Variants in CDH8 observed in about 807,000 individuals in gnomAD.
CDH8 encodes the protein cadherin 8.
CDH8 carries 17 observed loss-of-function variants against 68.1 expected under a neutral mutation model. That is an observed-to-expected ratio of 0.25 (90% CI 0.17 to 0.37). CDH8 has a LOEUF of 0.37. Among genes scored for constraint, CDH8 ranks in the 10% least tolerant of loss-of-function variants. CDH8 has a pLI of 1.00. For synonymous variants in CDH8, 372 were observed against 365.1 expected (o/e 1.02, Z -0.21); for missense variants, 763 against 999.3 (o/e 0.76, Z 3.19).
intron 8 of CDH8, chr16:61,743,010 C>T (rs1407309637): frequency 6.6e-6 from 1 of 152,098 alleles, no homozygotes; most frequent in East Asian, 1.9e-4. Context: ...TTAAACTCGC[C>T]TCTATCACAA....
chr16:62,020,728 A>C (rs947546393), intron 2 of CDH8, among the ~76,000 whole-genome samples: 1 of 152,216 alleles, frequency 6.6e-6, no homozygotes. Flanking sequence ...AATTAGATAT[A>C]TCTGCATAGC....
rs1048800624 is a variant in CDH8 at position 61,855,653 on chromosome 16, A to G, written c.667+1466T>C. ...AATGGCCAAGAAGAGAACATTACTC[A>G]GGTCCATTTTGGCATCTAACACATT... is the stretch of plus-strand genomic sequence containing the variant. On this transcript the variant is annotated intron_variant, in intron 4 of 11. Coordinates refer to ENST00000577390, the MANE Select transcript of CDH8 (RefSeq NM_001796.5). 5.3e-5 allele frequency among the ~76,000 whole-genome samples: 8 copies of G among 152,192 alleles called. No individual in the cohort carries two copies. The East Asian group carries it at 1.5e-3, about 29-fold the overall frequency.
chr16:61,989,476 G>A (rs1230523687), intron 2 of CDH8, among the ~76,000 whole-genome samples: 2 of 152,122 alleles, frequency 1.3e-5, no homozygotes, highest in African/African-American at 4.8e-5. Flanking sequence ...CCTAGAAAAG[G>A]CAGAGCATCT....
chr16:62,019,771 C>T (rs2150611480), intron 2 of CDH8, among the ~76,000 whole-genome samples: 1 of 152,172 alleles, frequency 6.6e-6, no homozygotes, highest in Middle Eastern at 3.4e-3. Flanking sequence ...ATATTTGTAT[C>T]CATACATGCA....
chr16:61,957,671 G>C lies in CDH8; in HGVS notation c.253-56198C>G, dbSNP rs531273415. Among the ~76,000 whole-genome samples the C allele has an allele frequency of 4.1e-4, 62 of 152,252 alleles. 1 individual carries two copies. Among genetic ancestry groups the C allele is most frequent in the Admixed American group, 1.6e-3 (25 of 15,284 alleles). ...TCTGTTCCAGCCACACAGGTTTTCT[G>C]AGTATGCCAAATTTTCCCATAACAC... On this transcript the variant is annotated intron_variant, in intron 2 of 11. Transcript: ENST00000577390.
intron 2 of CDH8, among the ~76,000 whole-genome samples, chr16:61,983,501 T>C (rs1465913625): frequency 6.6e-6 from 1 of 152,212 alleles, no homozygotes; most frequent in Non-Finnish European, 1.5e-5. Context: ...TAAATTTTTC[T>C]GTCTTCCAAG....
chr16:61,835,421 T>C (rs2143005928), intron 4 of CDH8, among the ~76,000 whole-genome samples: 1 of 152,076 alleles, frequency 6.6e-6, no homozygotes, highest in South Asian at 2.1e-4. Context: ...TTAACTATTA[T>C]ATCACGTCTC....
At chr16:61,955,358 C>G (rs546318937) in intron 2 of CDH8, among the ~76,000 whole-genome samples, 26 of 152,290 alleles carry the variant, frequency 1.7e-4, no homozygotes, top group Non-Finnish European at 3.4e-4. Context: ...TCAAATAAAG[C>G]AAACATCAAG....
chr16:61,981,013 T>C (rs1251485174), intron 2 of CDH8, among the ~76,000 whole-genome samples: 1 of 152,134 alleles, frequency 6.6e-6, no homozygotes, highest in African/African-American at 2.4e-5. Context: ...AGGGATAAAA[T>C]GTTACCTATG....
rs1963244945 is a variant in CDH8, at chr16:61,648,161, C to T, written c.*5447G>A. Reference sequence around the variant, plus strand: ...ATACCAGCATGTAATTTCTGTTTCTCTCACATATTTGATGTGTAATTTAAC... The same window carrying T: ...ATACCAGCATGTAATTTCTGTTTCTTTCACATATTTGATGTGTAATTTAAC... On this transcript the variant is annotated 3_prime_UTR_variant, in exon 12 of 12. Transcript: ENST00000577390. The T allele has an allele frequency of 3.9e-6, 1 of 255,392 alleles. No homozygotes were observed. The highest frequency in any genetic ancestry group is 7.4e-6 in the Non-Finnish European group (1 of 135,060). 15.8% of individuals were successfully genotyped at this position (255,392 alleles called of 1,614,324 possible).
rs975743031 is a variant in CDH8 at position 61,653,814 on chromosome 16, C to A, written c.2194G>T (p.Ala732Ser). The A allele has an allele frequency of 1.1e-5, 17 of 1,614,040 alleles. No homozygotes were observed. The highest frequency in any genetic ancestry group is 1.4e-5 in the Non-Finnish European group (16 of 1,180,044). Residue 732 changes from alanine (A) to serine (S), a missense_variant, in exon 12 of 12, where the codon GCA becomes TCA. By Grantham distance (99) the Ala-to-Ser change is moderately conservative. Around this residue, in one of 2 missense-constraint regions of CDH8, gnomAD observed 397 missense variants for 436.2 expected, o/e 0.91. Transcript: ENST00000577390. ...DEFINVRLHE[A>S]DNDPTAPPYD... ...GGCGGGGCCGTGGGATCATTATCTG[C>A]CTCATGCAGCCTTACATTTATAAAT...
chr16:61,776,482 T>C (rs1266959783), intron 8 of CDH8, among the ~76,000 whole-genome samples: 1 of 152,132 alleles, frequency 6.6e-6, no homozygotes, highest in Non-Finnish European at 1.5e-5. Flanking sequence ...CTTTTAAAGT[T>C]GCCAACCTGG....
intron 2 of CDH8, among the ~76,000 whole-genome samples, chr16:61,991,367 A>C (rs1965718456): frequency 6.6e-6 from 1 of 152,154 alleles, no homozygotes; most frequent in African/African-American, 2.4e-5. Flanking sequence ...CATAGAAACC[A>C]AAGGCATCAG....
intron 8 of CDH8, among the ~76,000 whole-genome samples, chr16:61,773,539 GCAA>G (rs975093886): frequency 6.6e-6 from 1 of 151,918 alleles, no homozygotes; most frequent in Non-Finnish European, 1.5e-5. Flanking sequence ...TATGTTTTTG[GCAA>G]GAATTGCTCT....
At chr16:61,684,206 A>C (rs1291088491) in intron 10 of CDH8, among the ~76,000 whole-genome samples, 1 of 151,994 alleles carries the variant, frequency 6.6e-6, no homozygotes, top group Non-Finnish European at 1.5e-5. Flanking sequence ...CTTTGTGATT[A>C]ATTGTATGTT....
chr16:62,032,815 C>G (rs539359273), intron 1 of CDH8, among the ~76,000 whole-genome samples: 272 of 152,262 alleles, frequency 1.8e-3, no homozygotes, highest in African/African-American at 6.2e-3. Context: ...GTTGATAAAG[C>G]CGTGAGGTGT....
At chr16:62,005,953 A>G (rs1262400281) in intron 2 of CDH8, among the ~76,000 whole-genome samples, 2 of 152,098 alleles carry the variant, frequency 1.3e-5, no homozygotes, top group Non-Finnish European at 2.9e-5. Context: ...TTAGGAGTGG[A>G]TGTCTTAAGA....
chr16:61,890,674 A>G (rs8053656), intron 3 of CDH8, among the ~76,000 whole-genome samples: 3,839 of 152,198 alleles, frequency 0.025, 160 homozygotes, highest in African/African-American at 0.088. Flanking sequence ...ACTTTATGTA[A>G]TATTCTATTA....
At chr16:61,876,097 A>G (rs28652571) in intron 3 of CDH8, among the ~76,000 whole-genome samples, 82,050 of 151,842 alleles carry the variant, frequency 0.54, 24,581 homozygotes, top group African/African-American at 0.82. Flanking sequence ...GGATGGTCTC[A>G]ATCTCCTGAC....
Sources: gnomAD v4.1 joint callset for allele counts (sites outside exome capture counted in the v4.1 genomes callset) on GRCh38, gnomAD v4.1.1 for gene constraint, gnomAD v4.1.1 regional missense constraint, MANE v1.5 for transcripts, NCBI Gene and HGNC (gene_info 2026-07-23, HGNC 2026-07-21) for gene names.